Variants in COL8A1 observed in about 807,000 individuals in gnomAD.
COL8A1 encodes the protein collagen type VIII alpha 1 chain, also known as collagen alpha-1(VIII) chain.
Under a neutral mutation model 42.7 loss-of-function variants are expected in COL8A1, and 21 were observed. That is an observed-to-expected ratio of 0.49 (90% confidence interval 0.35 to 0.71). COL8A1 has a LOEUF of 0.71. Among genes scored for constraint, COL8A1 ranks in the 30% least tolerant of loss-of-function variants. COL8A1 has a pLI of 0.01. For synonymous variants in COL8A1, 367 were observed against 369.1 expected, an observed-to-expected ratio of 0.99 and a Z score of 0.06; for missense variants, 788 against 962.4, an observed-to-expected ratio of 0.82 and a Z score of 2.40.
At chr3:99,749,709 A>C (rs1416755232) in intron 2 of COL8A1, among the ~76,000 whole-genome samples, 1 of 152,222 alleles carries the variant, frequency 6.6e-6, no homozygotes, top group African/African-American at 2.4e-5. Context: ...TATGTAAAAA[A>C]AAATTAAAAA....
intron 1 of COL8A1, among the ~76,000 whole-genome samples, chr3:99,728,016 CA>C (rs1278696644): frequency 6.7e-6 from 1 of 149,876 alleles, no homozygotes; most frequent in Admixed American, 6.6e-5. Context: ...CTATCTATGA[CA>C]AACCCACAGC....
intron 1 of COL8A1, chr3:99,679,310 G>A (rs1366342589): frequency 6.6e-6 from 1 of 152,222 alleles, no homozygotes; most frequent in South Asian, 2.1e-4. Flanking sequence ...AGTGACGTTT[G>A]TATAATAGCA....
chr3:99,672,447 G>T (rs576528966), intron 1 of COL8A1, among the ~76,000 whole-genome samples: 1 of 151,416 alleles, frequency 6.6e-6, no homozygotes, highest in Non-Finnish European at 1.5e-5. Flanking sequence ...TATGTAGTCA[G>T]CTTATCTAGT....
At chr3:99,777,472 C>T (rs548752116) in intron 2 of COL8A1, among the ~76,000 whole-genome samples, 1 of 152,262 alleles carries the variant, frequency 6.6e-6, no homozygotes, top group East Asian at 1.9e-4. Flanking sequence ...ACAACCAATC[C>T]TTAATCTGTT....
chr3:99,719,306 T>G (rs959949540), intron 1 of COL8A1, among the ~76,000 whole-genome samples: 15 of 152,038 alleles, frequency 9.9e-5, no homozygotes, highest in African/African-American at 3.6e-4. Context: ...ATACAAATAT[T>G]TTTTACAATT....
intron 2 of COL8A1, among the ~76,000 whole-genome samples, chr3:99,752,757 C>A (rs1941178890): frequency 6.6e-6 from 1 of 150,778 alleles, no homozygotes; most frequent in South Asian, 2.1e-4. Context: ...ATTCATCATA[C>A]TCAATTTTGT....
intron 2 of COL8A1, among the ~76,000 whole-genome samples, chr3:99,784,313 T>C (rs752028575): frequency 6.6e-6 from 1 of 152,206 alleles, no homozygotes; most frequent in Non-Finnish European, 1.5e-5. Context: ...GATGGGGATA[T>C]TATCAATTAG....
chr3:99,672,307 A>G (rs537704252), intron 1 of COL8A1, among the ~76,000 whole-genome samples: 32 of 152,086 alleles, frequency 2.1e-4, no homozygotes, highest in Middle Eastern at 6.8e-3. Context: ...AAAAATAACT[A>G]TTACTTTGAT....
chr3:99,718,507 G>A (rs1041638834), intron 1 of COL8A1, among the ~76,000 whole-genome samples: 1 of 152,012 alleles, frequency 6.6e-6, no homozygotes, highest in Admixed American at 6.6e-5. Flanking sequence ...AATTAGAGAG[G>A]GCAGGGAAGG....
intron 2 of COL8A1, among the ~76,000 whole-genome samples, chr3:99,763,802 C>T (rs867141720): frequency 6.6e-6 from 1 of 152,212 alleles, no homozygotes; most frequent in Admixed American, 6.5e-5. Context: ...TCTACTCTGC[C>T]GTGATTCCCC....
At chr3:99,764,701 C>CTTTTTTTTTTTTTTT (rs10648559) in intron 2 of COL8A1, among the ~76,000 whole-genome samples, 3 of 125,048 alleles carry the variant, frequency 2.4e-5, no homozygotes, top group Non-Finnish European at 3.2e-5. Flanking sequence ...TCTTTTTTTT[C>CTTTTTTTTTTTTTTT]TTTTTTTTTT....
At chr3:99,739,197 C>T (rs986279433) in intron 1 of COL8A1, among the ~76,000 whole-genome samples, 10 of 152,222 alleles carry the variant, frequency 6.6e-5, no homozygotes, top group South Asian at 2.1e-4. Flanking sequence ...GCATTGCTCA[C>T]GCTGGGAGCT....
chr3:99,735,610 C>A (rs920122389), intron 1 of COL8A1, among the ~76,000 whole-genome samples: 10 of 149,402 alleles, frequency 6.7e-5, no homozygotes, highest in South Asian at 2.1e-4. Context: ...GTCTAAAATT[C>A]TCTTTTTTTG....
In COL8A1 at chr3:99,692,198, A is replaced by C. The variant is rs77663718; in HGVS notation, c.-128-52699A>C. 4.5e-3 allele frequency among the ~76,000 whole-genome samples: 681 copies of C among 152,288 alleles called. 5 individuals carry two copies. The highest frequency in any genetic ancestry group is 0.015 in the African/African-American group (617 of 41,554). On this transcript the variant is annotated intron_variant, in intron 1 of 3. Coordinates refer to ENST00000652472, the MANE Select transcript of COL8A1 (RefSeq NM_020351.4). Reference sequence around the variant, plus strand: ...TAATTCAATTATGAAAACTGGCAGAAACTACATACATCCATGGTACAAGAT... The same window carrying C: ...TAATTCAATTATGAAAACTGGCAGACACTACATACATCCATGGTACAAGAT...
intron 2 of COL8A1, among the ~76,000 whole-genome samples, chr3:99,747,840 A>G (rs919660636): frequency 6.6e-6 from 1 of 152,226 alleles, no homozygotes; most frequent in Non-Finnish European, 1.5e-5. Flanking sequence ...AAAAATAAAA[A>G]GAAATTTTAA....
intron 1 of COL8A1, among the ~76,000 whole-genome samples, chr3:99,705,567 A>G (rs1485924709): frequency 1.3e-5 from 2 of 152,152 alleles, no homozygotes; most frequent in Non-Finnish European, 1.5e-5. Context: ...AGAAAGCCTC[A>G]TGGTACAATT....
intron 2 of COL8A1, among the ~76,000 whole-genome samples, chr3:99,789,886 A>T (rs1941967261): frequency 6.6e-6 from 1 of 152,264 alleles, no homozygotes; most frequent in South Asian, 2.1e-4. Context: ...ATAAAGGTGC[A>T]TAATTATGAT....
rs190027847 is a variant in COL8A1, at chr3:99,743,952, G to A, written c.-128-945G>A. Among the ~76,000 whole-genome samples, 42 of 143,640 alleles carry A rather than the reference G, an allele frequency of 2.9e-4. No homozygotes were observed. The East Asian group carries it at 5.6e-3, about 19-fold the overall frequency. The allele number at this position is 143,640 out of a possible 152,430, so 94.2% of individuals were successfully genotyped here. A position where few individuals can be genotyped will look rare whatever the true frequency, so the allele number is the denominator to read the frequency against. ...ATTCTTTTTTTTTTTTTTTTGAGAC[G>A]TAGTCTCACTCTGACGCCCAGGCTG... On this transcript the variant is annotated intron_variant, in intron 1 of 3. Transcript: ENST00000652472.
At chr3:99,755,832 C>T (rs185937191) in intron 2 of COL8A1, among the ~76,000 whole-genome samples, 82 of 152,246 alleles carry the variant, frequency 5.4e-4, no homozygotes, top group Non-Finnish European at 6.0e-4. Flanking sequence ...AAGAAGAGAG[C>T]GGAGCCAGAT....
Sources: gnomAD v4.1 joint callset for allele counts (sites outside exome capture counted in the v4.1 genomes callset) on GRCh38, gnomAD v4.1.1 for gene constraint, MANE v1.5 for transcripts, NCBI Gene and HGNC (gene_info 2026-07-23, HGNC 2026-07-21) for gene names.